Variants in EYA2 observed in about 807,000 individuals in gnomAD.
The protein encoded by EYA2 is protein phosphatase EYA2.
EYA2 carries 31 observed loss-of-function variants against 69.2 expected under a neutral mutation model. That is an observed-to-expected ratio of 0.45 (90% CI 0.34 to 0.60). EYA2 has a LOEUF of 0.60. Ranked by LOEUF, EYA2 falls within the 20% of genes least tolerant of loss-of-function variation. The pLI is 0.02. For synonymous variants in EYA2, 257 were observed against 279.4 expected, an observed-to-expected ratio of 0.92 and a Z score of 0.80; for missense variants, 622 against 701.2, an observed-to-expected ratio of 0.89 and a Z score of 1.28.
intron 15 of EYA2, among the ~76,000 whole-genome samples, chr20:47,185,522 G>A (rs1210712006): frequency 1.3e-5 from 2 of 151,796 alleles, no homozygotes; most frequent in Admixed American, 6.6e-5. Flanking sequence ...GGCTGGTCTC[G>A]AACTCCTGAC....
intron 12 of EYA2, among the ~76,000 whole-genome samples, chr20:47,179,488 T>G (rs2034494418): frequency 6.7e-6 from 1 of 148,796 alleles, no homozygotes; most frequent in Admixed American, 6.7e-5. Flanking sequence ...GATGGGTGGA[T>G]GGATGGATAT....
chr20:46,987,452 T>C (rs960707159), intron 1 of EYA2, among the ~76,000 whole-genome samples: 1 of 152,172 alleles, frequency 6.6e-6, no homozygotes, highest in African/African-American at 2.4e-5. Context: ...CACTACATAG[T>C]CTGAGCCCCC....
intron 5 of EYA2, 59 bp from the exon 6 acceptor site, chr20:47,072,126 C>A: frequency 6.7e-7 from 1 of 1,498,520 alleles, no homozygotes; most frequent in Non-Finnish European, 9.3e-7. Flanking sequence ...CTAACAACTG[C>A]TTTAAAGAGA....
chr20:47,005,485 C>T (rs751343276), intron 4 of EYA2, among the ~76,000 whole-genome samples: 20 of 152,182 alleles, frequency 1.3e-4, no homozygotes, highest in Non-Finnish European at 2.6e-4. Context: ...CCTGTCCACT[C>T]AAGGTTTGCA....
intron 1 of EYA2, among the ~76,000 whole-genome samples, chr20:46,905,118 G>A (rs1255602667): frequency 1.3e-5 from 2 of 151,916 alleles, no homozygotes; most frequent in Non-Finnish European, 2.9e-5. Flanking sequence ...ATGGAGGAGG[G>A]AAGAAGGAGA....
chr20:46,950,200 T>C (rs1978711894), intron 1 of EYA2, among the ~76,000 whole-genome samples: 1 of 152,174 alleles, frequency 6.6e-6, no homozygotes, highest in Admixed American at 6.5e-5. Context: ...TTGAGTGATA[T>C]AAAAAATAAT....
chr20:46,901,558 G>A (rs1984110305), intron 1 of EYA2: 1 of 152,244 alleles, frequency 6.6e-6, no homozygotes, highest in South Asian at 2.1e-4. Flanking sequence ...TCTTCGGAGA[G>A]GCAGGGTGTC....
At chr20:47,049,725 G>A (rs1309066042) in intron 5 of EYA2, among the ~76,000 whole-genome samples, 1 of 152,116 alleles carries the variant, frequency 6.6e-6, no homozygotes, top group Non-Finnish European at 1.5e-5. Flanking sequence ...GCAGGACCAT[G>A]AGCCAATTCA....
chr20:46,927,759 A>G (rs558788577), intron 1 of EYA2, among the ~76,000 whole-genome samples: 1 of 152,234 alleles, frequency 6.6e-6, no homozygotes, highest in South Asian at 2.1e-4. Flanking sequence ...ACACAGCCAA[A>G]CCATATCAAT....
In EYA2 at chr20:46,919,421, T is replaced by C. The variant is rs140545974; in HGVS notation, c.-11+24434T>C. Among the ~76,000 whole-genome samples the C allele has an allele frequency of 5.2e-5, 8 of 152,390 alleles. No individual in the cohort carries two copies. The East Asian group carries it at 1.5e-3, about 29-fold the overall frequency. ...AGATCTTCTGGATAACTTGCTGCAG[T>C]TTGTCCATCAGCACTTGCTGCTTCG... On this transcript the variant is annotated intron_variant, in intron 1 of 15. Transcript: ENST00000327619.
chr20:47,031,732 C>G (rs1984430002), intron 5 of EYA2, among the ~76,000 whole-genome samples: 1 of 152,092 alleles, frequency 6.6e-6, no homozygotes, highest in African/African-American at 2.4e-5. Flanking sequence ...GAAATGAGAA[C>G]TGGGCCCACA....
intron 10 of EYA2, among the ~76,000 whole-genome samples, chr20:47,159,163 G>A (rs1448337808): frequency 2.6e-5 from 4 of 151,986 alleles, no homozygotes; most frequent in Non-Finnish European, 5.9e-5. Context: ...TAGATGAGGG[G>A]AATAGTAACT....
chr20:46,987,920 C>CAG (rs1981344393), intron 1 of EYA2, among the ~76,000 whole-genome samples: 1 of 18,166 alleles, frequency 5.5e-5, no homozygotes, highest in African/African-American at 2.4e-4. Flanking sequence ...GAGTAAGTCT[C>CAG]TCTCTCTCTC....
At chr20:46,945,796 G>A (rs1978419512) in intron 1 of EYA2, among the ~76,000 whole-genome samples, 1 of 152,190 alleles carries the variant, frequency 6.6e-6, no homozygotes. Context: ...TGATGATTTT[G>A]TGCTTGGGTA....
At chr20:47,097,208 T>A in intron 9 of EYA2, 40 bp downstream of exon 9, 1 of 1,483,504 alleles carries the variant, frequency 6.7e-7, no homozygotes. Context: ...TTTTTTGTTT[T>A]CAACGTTATT....
At chr20:47,113,771 G>A (rs896960693) in intron 9 of EYA2, among the ~76,000 whole-genome samples, 4 of 151,988 alleles carry the variant, frequency 2.6e-5, no homozygotes, top group Non-Finnish European at 5.9e-5. Context: ...CCACTCTCCT[G>A]AGACACACAG....
intron 9 of EYA2, among the ~76,000 whole-genome samples, chr20:47,134,270 A>G (rs2033407910): frequency 6.6e-6 from 1 of 152,212 alleles, no homozygotes; most frequent in Admixed American, 6.5e-5. Context: ...ACGCTCCCTC[A>G]GAGCAAAAAA....
intron 1 of EYA2, among the ~76,000 whole-genome samples, chr20:46,987,964 C>CTCTCTCTATATA (rs1555809797): frequency 8.9e-4 from 10 of 11,272 alleles, no homozygotes; most frequent in Admixed American, 1.5e-3. Flanking sequence ...CTCTCTCTCT[C>CTCTCTCTATATA]TATATATATA....
rs59753739 is a variant in EYA2, at chr20:47,178,045, G to A, written c.1199-1753G>A. Among the ~76,000 whole-genome samples, 2,760 of 152,264 alleles carry A rather than the reference G, an allele frequency of 0.018. 122 individuals carry two copies. The East Asian group carries it at 0.18, about 10-fold the overall frequency. On this transcript the variant is annotated intron_variant, in intron 12 of 15. Coordinates refer to ENST00000327619, the MANE Select transcript of EYA2 (RefSeq NM_005244.5). The stretch of plus-strand genomic sequence containing the variant: ...AACAAATGACATTTAAGATGAGGCC[G>A]TAAGGCAGGATGCAGAGGTTCACAC...
Sources: gnomAD v4.1 joint callset for allele counts (sites outside exome capture counted in the v4.1 genomes callset) on GRCh38, gnomAD v4.1.1 for gene constraint, MANE v1.5 for transcripts, NCBI Gene and HGNC (gene_info 2026-07-23, HGNC 2026-07-21) for gene names.